The following HMGCLL1 variants were observed in gnomAD, a reference collection of about 807,000 sequenced individuals.
HMGCLL1 encodes 3-hydroxy-3-methylglutaryl-CoA lyase like 1, also known as 3-hydroxymethyl-3-methylglutaryl-CoA lyase, cytoplasmic.
In HMGCLL1, 36 loss-of-function variants were observed where a neutral mutation model predicts 39.1. The ratio of observed to expected loss-of-function variants is 0.92; its 90% CI spans 0.71 to 1.22. HMGCLL1 has a LOEUF of 1.22. Ranked by LOEUF, HMGCLL1 falls within the 50% of genes most tolerant of loss-of-function variation. The pLI, the probability that HMGCLL1 is intolerant of heterozygous loss-of-function variation, is 0.00. For synonymous variants in HMGCLL1, 149 were observed against 144.0 expected (o/e 1.03, Z -0.25); for missense variants, 451 against 416.5 (o/e 1.08, Z -0.72).
At chr6:55,471,440 T>G (rs2127403674) in intron 7 of HMGCLL1, among the ~76,000 whole-genome samples, 1 of 151,922 alleles carries the variant, frequency 6.6e-6, no homozygotes, top group African/African-American at 2.4e-5. Flanking sequence ...AATAAATTGC[T>G]GGGTCATAGA....
chr6:55,535,277 A>C (rs182766489), intron 3 of HMGCLL1, among the ~76,000 whole-genome samples: 1 of 152,344 alleles, frequency 6.6e-6, no homozygotes, highest in East Asian at 1.9e-4. Flanking sequence ...GAACCATGAC[A>C]ACTCTTATAA....
intron 7 of HMGCLL1, among the ~76,000 whole-genome samples, chr6:55,493,710 CTGTTTTTGTTTTTTT>C (rs949100636): frequency 2.7e-5 from 4 of 145,542 alleles, no homozygotes; most frequent in African/African-American, 5.3e-5. Flanking sequence ...TTAGTTCCTT[CTGTTTTTGTTTTTTT>C]TGTTTTTGTT....
At chr6:55,655,813 G>A in the HMGCLL1 span, among the ~76,000 whole-genome samples, 1 of 151,906 alleles carries the variant, frequency 6.6e-6, no homozygotes, top group Admixed American at 6.6e-5. Flanking sequence ...ACCTCATTAT[G>A]TGAGAACATT....
the HMGCLL1 span, among the ~76,000 whole-genome samples, chr6:55,653,528 T>TA: frequency 0.94 from 143,481 of 151,900 alleles, 67,903 homozygotes; most frequent in Non-Finnish European, 0.97. Context: ...ATTTATATCA[T>TA]AAACCAGGAC....
chr6:55,537,808 T>G (rs1192659700), intron 3 of HMGCLL1, among the ~76,000 whole-genome samples: 1 of 152,118 alleles, frequency 6.6e-6, no homozygotes, highest in African/African-American at 2.4e-5. Context: ...AAAAGCTATG[T>G]GGGGGAATTC....
chr6:55,650,094 T>C, the HMGCLL1 span, among the ~76,000 whole-genome samples: 38 of 14,226 alleles, frequency 2.7e-3, no homozygotes, highest in South Asian at 9.2e-3. Context: ...CATATACATA[T>C]ATATATATAT....
the HMGCLL1 span, among the ~76,000 whole-genome samples, chr6:55,607,105 A>T: frequency 6.6e-6 from 1 of 152,218 alleles, no homozygotes; most frequent in Admixed American, 6.5e-5. Context: ...TATACTATGC[A>T]GGTGCATGAG....
At chr6:55,640,719 T>G in the HMGCLL1 span, among the ~76,000 whole-genome samples, 1 of 151,552 alleles carries the variant, frequency 6.6e-6, no homozygotes, top group Non-Finnish European at 1.5e-5. Flanking sequence ...TTGTATTATA[T>G]CATATATATT....
intron 4 of HMGCLL1, among the ~76,000 whole-genome samples, chr6:55,515,567 C>T (rs9885775): frequency 0.68 from 103,950 of 151,938 alleles, 35,601 homozygotes; most frequent in Admixed American, 0.73. Flanking sequence ...TCTGGAGTCA[C>T]GTTTTGAGCA....
At chr6:55,522,586 C>G (rs1453827187) in intron 3 of HMGCLL1, among the ~76,000 whole-genome samples, 2 of 152,002 alleles carry the variant, frequency 1.3e-5, no homozygotes, top group Non-Finnish European at 2.9e-5. Flanking sequence ...CAGTGATTAA[C>G]TCCCCGCTGC....
the HMGCLL1 span, among the ~76,000 whole-genome samples, chr6:55,587,630 C>T: frequency 6.6e-6 from 1 of 152,004 alleles, no homozygotes; most frequent in South Asian, 2.1e-4. Flanking sequence ...AGAGTCAAGA[C>T]CCATCAGTGT....
At chr6:55,499,166 A>C in intron 6 of HMGCLL1, 70 bp downstream of exon 6, 1 of 1,236,270 alleles carries the variant, frequency 8.1e-7, no homozygotes, top group East Asian at 2.3e-5. Flanking sequence ...ATAAATATTA[A>C]GAAAGCCCCC....
chr6:55,441,194 G>A (rs765339467), intron 7 of HMGCLL1, among the ~76,000 whole-genome samples: 1 of 152,074 alleles, frequency 6.6e-6, no homozygotes, highest in African/African-American at 2.4e-5. Flanking sequence ...AACATCAGGA[G>A]TGAAAGGAAT....
intron 7 of HMGCLL1, among the ~76,000 whole-genome samples, chr6:55,451,063 T>A (rs57108248): frequency 0.067 from 10,159 of 152,082 alleles, 420 homozygotes; most frequent in East Asian, 0.17. Flanking sequence ...CTCACAATAG[T>A]CTTCAGTGTG....
intron 7 of HMGCLL1, among the ~76,000 whole-genome samples, chr6:55,448,880 CAA>C (rs1763968092): frequency 6.6e-6 from 1 of 152,088 alleles, no homozygotes; most frequent in South Asian, 2.1e-4. Context: ...ACTTGAGTGG[CAA>C]GAGACAACAG....
At chr6:55,563,851 A>G (rs1771083436) in intron 1 of HMGCLL1, 3 of 1,285,496 alleles carry the variant, frequency 2.3e-6, no homozygotes, top group Non-Finnish European at 2.0e-6. Flanking sequence ...GCCCTCAAAT[A>G]TGATGGGGAT....
the HMGCLL1 span, among the ~76,000 whole-genome samples, chr6:55,627,619 A>C: frequency 6.6e-6 from 1 of 151,162 alleles, no homozygotes; most frequent in East Asian, 2.0e-4. Flanking sequence ...TGGGCTGAGG[A>C]AGGCAGATCC....
At chr6:55,602,903 A>G in the HMGCLL1 span, among the ~76,000 whole-genome samples, 2 of 152,230 alleles carry the variant, frequency 1.3e-5, no homozygotes, top group African/African-American at 4.8e-5. Context: ...AACAATGGTT[A>G]TCATCTTAAG....
At chr6:55,609,187 G>A in the HMGCLL1 span, among the ~76,000 whole-genome samples, 2 of 152,204 alleles carry the variant, frequency 1.3e-5, no homozygotes, top group African/African-American at 2.4e-5. Flanking sequence ...TGAGGGAGGG[G>A]CAGCCATCAC....
Sources: allele counts gnomAD v4.1 joint callset (sites outside exome capture counted in the v4.1 genomes callset), GRCh38; gene constraint gnomAD v4.1.1; transcripts MANE v1.5; gene names NCBI Gene and HGNC (gene_info 2026-07-23, HGNC 2026-07-21).